RBMS3: variants seen among roughly 807,000 people sequenced by gnomAD.
RBMS3 encodes RNA binding motif single stranded interacting protein 3.
A neutral mutation model predicts 66.8 loss-of-function variants in RBMS3; 27 were observed. The ratio of observed to expected loss-of-function variants is 0.40; its 90% CI spans 0.30 to 0.56. The LOEUF (loss-of-function observed/expected upper bound fraction) is 0.56. RBMS3 is among the 20% of genes least tolerant of loss of function. The pLI, the probability that RBMS3 is intolerant of heterozygous loss-of-function variation, is 0.40. For synonymous variants in RBMS3, 188 were observed against 183.0 expected (o/e 1.03, Z -0.22); for missense variants, 513 against 549.5 (o/e 0.93, Z 0.66).
At chr3:29,431,361 C>G (rs1168973176) in intron 1 of RBMS3, among the ~76,000 whole-genome samples, 1 of 147,564 alleles carries the variant, frequency 6.8e-6, no homozygotes, top group African/African-American at 2.5e-5. Flanking sequence ...GGCGCAATCT[C>G]GGCTCACTGC....
In RBMS3 at chr3:29,574,028, A is replaced by G. The variant is rs897110378; in HGVS notation, c.308-13086A>G. Among the ~76,000 whole-genome samples, 4 of 152,212 alleles carry G rather than the reference A, an allele frequency of 2.6e-5. No individual in the cohort carries two copies. In the East Asian group the frequency reaches 5.8e-4, roughly 22 times the overall value. On this transcript the variant is annotated intron_variant, in intron 3 of 14. Transcript: ENST00000383767. ...CCACATGATGAGGAGAAAATTGTGTATTCTGTTGTCTCTGGATGAAATGTT... is the reference window on the plus strand; with the variant it reads ...CCACATGATGAGGAGAAAATTGTGTGTTCTGTTGTCTCTGGATGAAATGTT...
intron 4 of RBMS3, among the ~76,000 whole-genome samples, chr3:29,671,369 C>T (rs1449094814): frequency 6.6e-6 from 1 of 152,192 alleles, no homozygotes; most frequent in African/African-American, 2.4e-5. Context: ...CAGAGTGCCT[C>T]TTCTCCTCCA....
chr3:29,677,827 T>C lies in RBMS3; in HGVS notation c.400-61893T>C, dbSNP rs1451792491. Among the ~76,000 whole-genome samples, 4 of 152,126 alleles carry C rather than the reference T, an allele frequency of 2.6e-5. No individual in the cohort carries two copies. The East Asian group carries it at 7.7e-4, about 29-fold the overall frequency. On this transcript the variant is annotated intron_variant, in intron 4 of 14. Coordinates refer to ENST00000383767, the MANE Select transcript of RBMS3 (RefSeq NM_001003793.3). ...AGAGTTGTTACACTCTTGGGGTTAG[T>C]GTAATGTAATAGAAAAAGCACCAGA... is the stretch of plus-strand genomic sequence containing the variant.
At chr3:29,546,973 T>C (rs1483450890) in intron 3 of RBMS3, among the ~76,000 whole-genome samples, 1 of 152,198 alleles carries the variant, frequency 6.6e-6, no homozygotes, top group Non-Finnish European at 1.5e-5. Flanking sequence ...TTTTATCTTT[T>C]ATATTATTAC....
At chr3:29,427,350 A>G (rs1212506892) in intron 1 of RBMS3, among the ~76,000 whole-genome samples, 1 of 152,196 alleles carries the variant, frequency 6.6e-6, no homozygotes, top group Admixed American at 6.5e-5. Context: ...ATTTAGCTGC[A>G]TTTGTTATTA....
At chr3:29,665,202 T>C (rs2050704968) in intron 4 of RBMS3, among the ~76,000 whole-genome samples, 1 of 152,182 alleles carries the variant, frequency 6.6e-6, no homozygotes, top group African/African-American at 2.4e-5. Context: ...TGGTGGACTA[T>C]GTGGATTCAA....
chr3:29,919,832 C>A (rs1200613513), intron 10 of RBMS3, among the ~76,000 whole-genome samples: 1 of 152,198 alleles, frequency 6.6e-6, no homozygotes, highest in Non-Finnish European at 1.5e-5. Context: ...TGTACATTGT[C>A]AACTTTTCTG....
chr3:29,730,922 A>T, intron 4 of RBMS3: 1 of 985,374 alleles, frequency 1.0e-6, no homozygotes, highest in Non-Finnish European at 1.2e-6. Flanking sequence ...ATAACTGGTG[A>T]TACTGAGCTC....
intron 11 of RBMS3, among the ~76,000 whole-genome samples, chr3:29,938,687 A>G (rs931589170): frequency 2.0e-5 from 3 of 151,898 alleles, no homozygotes; most frequent in Admixed American, 6.6e-5. Context: ...TGATTTTGGA[A>G]AATCAGATTT....
chr3:29,769,985 A>C (rs987798992), intron 6 of RBMS3, among the ~76,000 whole-genome samples: 1 of 151,994 alleles, frequency 6.6e-6, no homozygotes. Flanking sequence ...GAAAAATTTC[A>C]GTTACATTTT....
chr3:29,686,265 A>G (rs2051729383), intron 4 of RBMS3, among the ~76,000 whole-genome samples: 1 of 152,168 alleles, frequency 6.6e-6, no homozygotes, highest in South Asian at 2.1e-4. Flanking sequence ...CAGTAAAAAT[A>G]TGGTCTTCTT....
intron 1 of RBMS3, among the ~76,000 whole-genome samples, chr3:29,292,464 C>G (rs1420040407): frequency 6.6e-6 from 1 of 151,812 alleles, no homozygotes; most frequent in Non-Finnish European, 1.5e-5. Context: ...ATTGTGGTAC[C>G]TTCTCATGAT....
intron 2 of RBMS3, among the ~76,000 whole-genome samples, chr3:29,475,469 C>G (rs931147146): frequency 2.0e-5 from 3 of 152,014 alleles, no homozygotes; most frequent in Admixed American, 6.6e-5. Context: ...AGGCTGGTCA[C>G]GAACCCTTGA....
At chr3:29,543,976 T>C (rs897509124) in intron 3 of RBMS3, among the ~76,000 whole-genome samples, 1 of 152,160 alleles carries the variant, frequency 6.6e-6, no homozygotes, top group Non-Finnish European at 1.5e-5. Flanking sequence ...CTGTTCATCA[T>C]CCTATTGATA....
intron 2 of RBMS3, among the ~76,000 whole-genome samples, chr3:29,468,491 G>A (rs1327847496): frequency 4.6e-5 from 7 of 152,142 alleles, no homozygotes; most frequent in Admixed American, 2.6e-4. Flanking sequence ...GTAGAATACC[G>A]TAACTTTGTA....
At chr3:29,291,130 TTA>T (rs1463477266) in intron 1 of RBMS3, among the ~76,000 whole-genome samples, 1 of 151,872 alleles carries the variant, frequency 6.6e-6, no homozygotes, top group East Asian at 1.9e-4. Context: ...TGACAATGTA[TTA>T]TGTTTTTTAG....
chr3:29,716,735 G>T (rs781069052), intron 4 of RBMS3, among the ~76,000 whole-genome samples: 1 of 152,100 alleles, frequency 6.6e-6, no homozygotes, highest in African/African-American at 2.4e-5. Context: ...GGCAAAAAAG[G>T]CATCTACATA....
chr3:29,899,889 A>C, intron 10 of RBMS3, 134 bp downstream of exon 10: 5 of 786,980 alleles, frequency 6.4e-6, no homozygotes, highest in Non-Finnish European at 8.0e-6. Context: ...TCCAGATAAA[A>C]AGCTGTTCCT....
chr3:29,648,339 A>G (rs1367171431), intron 4 of RBMS3, among the ~76,000 whole-genome samples: 2 of 145,030 alleles, frequency 1.4e-5, no homozygotes, highest in Non-Finnish European at 3.0e-5. Context: ...ATGAACAATA[A>G]TGGCTCACTG....
Sources: allele counts gnomAD v4.1 joint callset (sites outside exome capture counted in the v4.1 genomes callset), GRCh38; gene constraint gnomAD v4.1.1; transcripts MANE v1.5; gene names NCBI Gene and HGNC (gene_info 2026-07-23, HGNC 2026-07-21).